Variants in FAM117B observed in about 807,000 individuals in gnomAD.
FAM117B encodes protein FAM117B.
In FAM117B, 22 loss-of-function variants were observed where a neutral mutation model predicts 52.8. The observed-to-expected ratio is 0.42, with a 90% CI of 0.30 to 0.59. FAM117B has a LOEUF of 0.59. FAM117B is among the 20% of genes least tolerant of loss of function. The pLI is 0.22. For missense variants in FAM117B, 678 were observed against 802.6 expected, an observed-to-expected ratio of 0.84 and a Z score of 1.88; for synonymous variants, 309 against 324.1, an observed-to-expected ratio of 0.95 and a Z score of 0.50.
chr2:202,754,212 C>A (rs1386799957), intron 4 of FAM117B, among the ~76,000 whole-genome samples: 1 of 152,120 alleles, frequency 6.6e-6, no homozygotes, highest in African/African-American at 2.4e-5. Context: ...GGAATGAGAT[C>A]ATGTCCTTTG....
intron 1 of FAM117B, among the ~76,000 whole-genome samples, chr2:202,693,117 G>T (rs1444140392): frequency 6.6e-6 from 1 of 152,054 alleles, no homozygotes; most frequent in Non-Finnish European, 1.5e-5. Context: ...AGATATTTTT[G>T]TATTTTTAAG....
chr2:202,635,758 A>G lies in FAM117B; in HGVS notation c.571A>G (p.Arg191Gly), dbSNP rs930398267. ...PEQSRSSPEK[R>G]SPSAPVCKAG... ...GCAGAGCCGAAGCTCGCCGGAGAAG[A>G]GGAGCCCCAGCGCCCCGGTTTGCAA... The change falls in exon 1 of 8, where the codon AGG (arginine) becomes GGG (glycine). Residue 191 changes from arginine (R) to glycine (G), a missense_variant. Physicochemically the swap from Arg to Gly is moderately radical, Grantham distance 125 (BLOSUM62 -2). This residue lies in a region of FAM117B where 583 missense variants were observed against 644.8 expected (regional missense o/e 0.90). Transcript: ENST00000392238. 1 of 1,456,400 alleles carries G rather than the reference A, an allele frequency of 6.9e-7. No individual in the cohort carries two copies. The allele number at this position is 1,456,400 out of a possible 1,614,324, so 90.2% of individuals were successfully genotyped here.
chr2:202,732,591 G>T (rs1036922012), intron 4 of FAM117B, among the ~76,000 whole-genome samples: 5 of 152,082 alleles, frequency 3.3e-5, no homozygotes, highest in Admixed American at 1.3e-4. Context: ...GGCCAAGTTG[G>T]GTGGATCACT....
chr2:202,761,793 C>T (rs768483598), intron 7 of FAM117B, among the ~76,000 whole-genome samples: 1 of 152,074 alleles, frequency 6.6e-6, no homozygotes, highest in Non-Finnish European at 1.5e-5. Context: ...TCCCAAAGTG[C>T]TGGGATTACA....
At chr2:202,668,619 C>CAAA (rs572648225) in intron 1 of FAM117B, among the ~76,000 whole-genome samples, 322 of 108,996 alleles carry the variant, frequency 3.0e-3, no homozygotes, top group African/African-American at 8.3e-3. Flanking sequence ...GATCTTGTTC[C>CAAA]TAATAAATAA....
intron 2 of FAM117B, among the ~76,000 whole-genome samples, chr2:202,723,020 G>C (rs1405016266): frequency 1.3e-5 from 2 of 152,198 alleles, no homozygotes; most frequent in Non-Finnish European, 2.9e-5. Flanking sequence ...AGTACAGTAG[G>C]GGTCACCTCT....
At chr2:202,721,388 TTCTA>T (rs1246248602) in intron 2 of FAM117B, among the ~76,000 whole-genome samples, 1 of 152,216 alleles carries the variant, frequency 6.6e-6, no homozygotes, top group Non-Finnish European at 1.5e-5. Flanking sequence ...CTTATTCTGT[TTCTA>T]TCCTCTGTTT....
chr2:202,702,442 T>G (rs1690808492), intron 2 of FAM117B, among the ~76,000 whole-genome samples: 1 of 152,128 alleles, frequency 6.6e-6, no homozygotes, highest in African/African-American at 2.4e-5. Flanking sequence ...AAGAAATTGC[T>G]GTAGCCACCT....
chr2:202,714,872 C>T (rs1295330863), intron 2 of FAM117B, among the ~76,000 whole-genome samples: 4 of 151,730 alleles, frequency 2.6e-5, no homozygotes, highest in African/African-American at 9.7e-5. Flanking sequence ...TCAACAGGAT[C>T]CCAAGGCAGA....
rs1158185300 is a variant in FAM117B, at chr2:202,673,433, G to GTTTTTTTTTTTTTTTTTTTTTTTTTTT, written c.602-22442_602-22416dup. On this transcript the variant is annotated intron_variant, in intron 1 of 7. Transcript: ENST00000392238. ...TAGCCTACCCTATTTTTCTTTTTCT[G>GTTTTTTTTTTTTTTTTTTTTTTTTTTT]TTTTTTTTTTTTTTTTTTTTTTTTT... 1.6e-4 allele frequency among the ~76,000 whole-genome samples: 6 copies of GTTTTTTTTTTTTTTTTTTTTTTTTTTT among 37,534 alleles called. 2 individuals carry two copies. The highest frequency in any genetic ancestry group is 7.8e-4 in the African/African-American group (5 of 6,448). The allele number at this position is 37,534 out of a possible 152,430, so 24.6% of individuals were successfully genotyped here.
intron 1 of FAM117B, among the ~76,000 whole-genome samples, chr2:202,658,565 G>A (rs1356679964): frequency 1.3e-5 from 2 of 152,126 alleles, no homozygotes; most frequent in African/African-American, 4.8e-5. Context: ...ACCTCCCAAG[G>A]TGTTGGGATT....
intron 1 of FAM117B, among the ~76,000 whole-genome samples, chr2:202,665,817 T>A (rs534717369): frequency 2.0e-5 from 3 of 152,212 alleles, no homozygotes; most frequent in Admixed American, 6.5e-5. Flanking sequence ...ACCAGGCCGG[T>A]CTCGAACTCC....
intron 3 of FAM117B, 91 bp from the exon 4 acceptor site, chr2:202,726,159 G>A (rs1691241338): frequency 1.3e-6 from 1 of 796,276 alleles, no homozygotes; most frequent in African/African-American, 1.7e-5. Flanking sequence ...GACTTATTAA[G>A]GGTAAGTTTT....
In FAM117B at chr2:202,635,322, G is replaced by A. The variant is rs1248300128; in HGVS notation, c.135G>A (p.Gln45=). ...CGACGGTTCCGTTCCAGCTGAAGCAGCAGCAGCAGCAGCAACATGGCAGCC... is the reference window on the plus strand; with the variant it reads ...CGACGGTTCCGTTCCAGCTGAAGCAACAGCAGCAGCAGCAACATGGCAGCC... ...MRATVPFQLK[Q]QQQQQHGSPT... is the part of the protein sequence containing the mutation. The change falls in exon 1 of 8, where the codon CAG becomes CAA. Residue 45 remains glutamine, a synonymous_variant. Transcript: ENST00000392238. 2 of 1,419,782 alleles carry A rather than the reference G, an allele frequency of 1.4e-6. No individual in the cohort carries two copies. The highest frequency in any genetic ancestry group is 3.0e-5 in the East Asian group (1 of 33,118). 87.9% of individuals were successfully genotyped at this position (1,419,782 alleles called of 1,614,324 possible). A position where few individuals can be genotyped will look rare whatever the true frequency, so the allele number is the denominator to read the frequency against.
At chr2:202,650,504 A>G (rs983144496) in intron 1 of FAM117B, among the ~76,000 whole-genome samples, 18 of 152,160 alleles carry the variant, frequency 1.2e-4, no homozygotes, top group African/African-American at 2.2e-4. Flanking sequence ...AACTGAACTA[A>G]TAGGATAGAT....
intron 4 of FAM117B, among the ~76,000 whole-genome samples, chr2:202,745,403 A>G (rs953717432): frequency 2.0e-5 from 3 of 152,240 alleles, no homozygotes; most frequent in Non-Finnish European, 4.4e-5. Flanking sequence ...TGAAAGGAGG[A>G]TATCTACCAT....
chr2:202,645,367 C>T (rs1285913392), intron 1 of FAM117B, among the ~76,000 whole-genome samples: 1 of 151,738 alleles, frequency 6.6e-6, no homozygotes, highest in Non-Finnish European at 1.5e-5. Context: ...CGGCTCACTG[C>T]AGGCTCCGCC....
intron 1 of FAM117B, among the ~76,000 whole-genome samples, chr2:202,674,567 C>T (rs747473686): frequency 1.3e-5 from 2 of 152,216 alleles, no homozygotes; most frequent in Non-Finnish European, 2.9e-5. Context: ...CTAGGAGGAC[C>T]CGGTACTACC....
chr2:202,697,985 T>G (rs537979966), intron 2 of FAM117B, among the ~76,000 whole-genome samples: 6 of 152,338 alleles, frequency 3.9e-5, no homozygotes, highest in African/African-American at 1.4e-4. Flanking sequence ...TTCTCTTGCC[T>G]CAGCCTCCTG....
Sources: allele counts gnomAD v4.1 joint callset (sites outside exome capture counted in the v4.1 genomes callset), GRCh38; gene constraint gnomAD v4.1.1; regional missense constraint gnomAD v4.1.1; transcripts MANE v1.5; gene names NCBI Gene and HGNC (gene_info 2026-07-23, HGNC 2026-07-21).